FOLH1: variants seen among roughly 807,000 people sequenced by gnomAD.
FOLH1 encodes the protein folate hydrolase 1.
FOLH1 carries 54 observed loss-of-function variants against 93.9 expected under a neutral mutation model. The observed-to-expected ratio is 0.57, with a 90% confidence interval of 0.46 to 0.72. The LOEUF is 0.72. FOLH1 is among the 30% of genes least tolerant of loss of function. The pLI is 0.00. For synonymous variants in FOLH1, 249 were observed against 303.6 expected, an observed-to-expected ratio of 0.82 and a Z score of 1.87; for missense variants, 571 against 892.5, an observed-to-expected ratio of 0.64 and a Z score of 4.59.
Position 49,178,263 on chromosome 11 carries a change from A to G in FOLH1, c.921-2306T>C, listed in dbSNP as rs183576570. Reference sequence around the variant, plus strand: ...CTCTGCATTTTGCAGTGGACCAGCAACACACTTTTTCCGGGACCTCTCTCT... The same window carrying G: ...CTCTGCATTTTGCAGTGGACCAGCAGCACACTTTTTCCGGGACCTCTCTCT... On this transcript the variant is annotated intron_variant, in intron 7 of 18. Transcript: ENST00000256999. Among the ~76,000 whole-genome samples, 198 of 152,300 alleles carry G rather than the reference A, an allele frequency of 1.3e-3. 1 individual carries two copies. The highest frequency in any genetic ancestry group is 4.5e-3 in the African/African-American group (186 of 41,572).
intron 13 of FOLH1, among the ~76,000 whole-genome samples, chr11:49,163,475 G>GCCCCCCCCCCCCCCCCCCCCCCCCCCCCC (rs1424997950): frequency 6.8e-6 from 1 of 147,008 alleles, no homozygotes. Context: ...AAAGATGGCA[G>GCCCCCCCCCCCCCCCCCCCCCCCCCCCCC]CCCACCCCTC....
chr11:49,176,007 C>G (rs144627857), intron 7 of FOLH1, 50 bp from the exon 8 acceptor site: 14 of 1,551,210 alleles, frequency 9.0e-6, no homozygotes, highest in Non-Finnish European at 1.2e-5. Flanking sequence ...CTTGAAGTAA[C>G]GCATTAAAAT....
chr11:49,206,157 G>T lies in FOLH1; in HGVS notation c.134C>A (p.Ser45Tyr), dbSNP rs1863910992. The T allele has an allele frequency of 1.2e-6, 2 of 1,611,418 alleles. No homozygotes were observed. The change falls in exon 2 of 19, where the codon TCC becomes TAC. Residue 45 changes from serine to tyrosine, a missense_variant. Physicochemically the swap from Ser to Tyr is moderately radical, Grantham distance 144 (BLOSUM62 -2). This residue lies in a region of FOLH1 where 71 missense variants were observed against 69.6 expected (regional missense o/e 1.02). Transcript: ENST00000256999. ...LGFLFGWFIK[S>Y]SNEATNITPK... The stretch of plus-strand genomic sequence containing the variant: ...AGTAATGTTAGTAGCTTCATTGGAG[G>T]ATTTTATAAACCACCCTGAAAAATA...
rs1590556489 is a variant in FOLH1 at position 49,174,855 on chromosome 11, A to G, written c.1105+37T>C. The G allele has an allele frequency of 4.7e-6, 7 of 1,491,670 alleles. No individual in the cohort carries two copies. In the East Asian group the frequency reaches 1.6e-4, roughly 34 times the overall value. The allele number at this position is 1,491,670 out of a possible 1,614,324, so 92.4% of individuals were successfully genotyped here. ...TGGTAGTATCCAGCACATAACAGTTACTTGATCAATATTTGCTAAGCAAAC... is the reference window on the plus strand; with the variant it reads ...TGGTAGTATCCAGCACATAACAGTTGCTTGATCAATATTTGCTAAGCAAAC... On this transcript the variant is annotated intron_variant, in intron 9 of 18. Coordinates refer to ENST00000256999, the MANE Select transcript of FOLH1 (RefSeq NM_004476.3).
intron 9 of FOLH1, 53 bp downstream of exon 9, chr11:49,174,839 C>T: frequency 6.4e-6 from 9 of 1,415,338 alleles, no homozygotes; most frequent in Non-Finnish European, 8.8e-6. Context: ...TTGGTAGTAT[C>T]CAGCACATAA....
intron 15 of FOLH1, among the ~76,000 whole-genome samples, chr11:49,156,018 C>T (rs371861988): frequency 1.1e-4 from 17 of 151,204 alleles, no homozygotes; most frequent in African/African-American, 3.6e-4. Context: ...GCACTGCTCT[C>T]GTGATAGTGA....
rs775264415 is a variant in FOLH1 at position 49,183,133 on chromosome 11, T to A, written c.920+16A>T. On this transcript the variant is annotated intron_variant, in intron 7 of 18. Transcript: ENST00000256999. ...AAATTACCCAAATAGCCATCCATGGTTTCTTACAAACTTACTCTAGGAGCT... is the reference window on the plus strand; with the variant it reads ...AAATTACCCAAATAGCCATCCATGGATTCTTACAAACTTACTCTAGGAGCT... The A allele has an allele frequency of 1.3e-6, 2 of 1,579,416 alleles. No homozygotes were observed. The highest frequency in any genetic ancestry group is 1.9e-5 in the Admixed American group (1 of 53,210).
chr11:49,151,959 G>T (rs1381973916), intron 17 of FOLH1, among the ~76,000 whole-genome samples: 1 of 152,062 alleles, frequency 6.6e-6, no homozygotes, highest in Admixed American at 6.6e-5. Flanking sequence ...AATATTCCCT[G>T]AGGATAGCAC....
intron 2 of FOLH1, among the ~76,000 whole-genome samples, chr11:49,205,501 A>C (rs1215768906): frequency 6.6e-6 from 1 of 152,174 alleles, no homozygotes; most frequent in East Asian, 1.9e-4. Context: ...CCAAAGTATT[A>C]ATAGGCAAAG....
chr11:49,155,931 T>A (rs891401184), intron 15 of FOLH1, among the ~76,000 whole-genome samples: 5 of 150,030 alleles, frequency 3.3e-5, no homozygotes, highest in African/African-American at 1.2e-4. Flanking sequence ...AAATCTCACC[T>A]TGAATTATGA....
intron 3 of FOLH1, among the ~76,000 whole-genome samples, chr11:49,194,424 T>A (rs1862414463): frequency 6.6e-6 from 1 of 151,964 alleles, no homozygotes; most frequent in Non-Finnish European, 1.5e-5. Context: ...CTTATTACTA[T>A]CATATTAATA....
At chr11:49,147,095 A>C in intron 18 of FOLH1, 150 bp from the exon 19 acceptor site, 2 of 557,020 alleles carry the variant, frequency 3.6e-6, no homozygotes, top group South Asian at 6.6e-5. Flanking sequence ...TCATCTCTGA[A>C]GACTATTATA....
intron 4 of FOLH1, among the ~76,000 whole-genome samples, chr11:49,190,814 T>C (rs1216240978): frequency 6.6e-6 from 1 of 152,180 alleles, no homozygotes; most frequent in East Asian, 1.9e-4. Flanking sequence ...TTACTGATCG[T>C]GAATTTTTGT....
Position 49,208,492 on chromosome 11 carries a change from TA to T in FOLH1, c.-84del. The T allele has an allele frequency of 1.1e-6, 1 of 945,598 alleles. No homozygotes were observed. The highest frequency in any genetic ancestry group is 1.6e-5 in the South Asian group (1 of 61,290). The allele number at this position is 945,598 out of a possible 1,614,324, so 58.6% of individuals were successfully genotyped here. ...GCGCCCTCCAACCACCACGGCGGGG[TA>T]AAGTCTCTCTCAATCTCACTAATGC... On this transcript the variant is annotated 5_prime_UTR_variant, in exon 1 of 19. Coordinates refer to ENST00000256999, the MANE Select transcript of FOLH1 (RefSeq NM_004476.3).
intron 4 of FOLH1, among the ~76,000 whole-genome samples, chr11:49,192,546 C>T (rs561522692): frequency 1.3e-5 from 2 of 152,246 alleles, no homozygotes; most frequent in South Asian, 4.1e-4. Context: ...TGGCATTTGT[C>T]AAAAATCAAT....
rs1859789993 is a variant in FOLH1 at position 49,174,758 on chromosome 11, G to A, written c.1105+134C>T. ...TTCATACTTATTTCCTTTGTTTTTAGGTGAGTTCCACCGATTTTCTTCGTT... is the reference window on the plus strand; with the variant it reads ...TTCATACTTATTTCCTTTGTTTTTAAGTGAGTTCCACCGATTTTCTTCGTT... On this transcript the variant is annotated intron_variant, in intron 9 of 18. Transcript: ENST00000256999. 5 of 777,796 alleles carry A rather than the reference G, an allele frequency of 6.4e-6. No homozygotes were observed. In the East Asian group the frequency reaches 1.3e-4, roughly 21 times the overall value. The allele number at this position is 777,796 out of a possible 1,614,324, so 48.2% of individuals were successfully genotyped here. A position where few individuals can be genotyped will look rare whatever the true frequency, so the allele number is the denominator to read the frequency against.
chr11:49,208,162 A>G (rs1022159822), intron 1 of FOLH1, 130 bp downstream of exon 1: 1 of 682,846 alleles, frequency 1.5e-6, no homozygotes, highest in Non-Finnish European at 2.5e-6. Flanking sequence ...ACCCCACATT[A>G]CCCCGACCCT....
chr11:49,174,407 T>TA lies in FOLH1; in HGVS notation c.1105+484dup, dbSNP rs1467528765. The stretch of plus-strand genomic sequence containing the variant: ...TTAATCAGTAGATCATCTGAACTTC[T>TA]ATGGAAATCATATGTCCATATATTT... On this transcript the variant is annotated intron_variant, in intron 9 of 18. Coordinates refer to ENST00000256999, the MANE Select transcript of FOLH1 (RefSeq NM_004476.3). 3.3e-4 allele frequency among the ~76,000 whole-genome samples: 50 copies of TA among 152,182 alleles called. 1 individual carries two copies. Among genetic ancestry groups the TA allele is most frequent in the Admixed American group, 1.7e-3 (26 of 15,278 alleles).
chr11:49,147,666 G>C (rs1855927733), intron 18 of FOLH1, among the ~76,000 whole-genome samples: 2 of 152,106 alleles, frequency 1.3e-5, no homozygotes, highest in African/African-American at 4.8e-5. Flanking sequence ...GCTCATGCCT[G>C]TAATCCCATA....
Sources: allele counts gnomAD v4.1 joint callset (sites outside exome capture counted in the v4.1 genomes callset), GRCh38; gene constraint gnomAD v4.1.1; regional missense constraint gnomAD v4.1.1; transcripts MANE v1.5; gene names NCBI Gene and HGNC (gene_info 2026-07-23, HGNC 2026-07-21).